Variants in LAMC3 observed in about 807,000 individuals in gnomAD.
LAMC3 encodes laminin subunit gamma-3.
LAMC3 carries 128 observed loss-of-function variants against 173.8 expected under a neutral mutation model. The observed-to-expected ratio is 0.74, with a 90% CI of 0.64 to 0.85. LAMC3 has a LOEUF of 0.85. LAMC3 is among the 40% of genes least tolerant of loss of function. The probability of loss-of-function intolerance (pLI) is 0.00; values close to 1 mark genes in which losing one functional copy is unlikely to be tolerated. For synonymous variants in LAMC3, 897 were observed against 909.1 expected, an observed-to-expected ratio of 0.99 and a Z score of 0.24; for missense variants, 2,022 against 2,156.0, an observed-to-expected ratio of 0.94 and a Z score of 1.23.
chr9:131,091,423 T>C, intron 27 of LAMC3, 114 bp from the exon 28 acceptor site: 1 of 1,375,098 alleles, frequency 7.3e-7, no homozygotes. Context: ...TGGTGGATGG[T>C]GGGCCATTGG....
chr9:131,062,556 C>T (rs772184303), intron 13 of LAMC3, among the ~76,000 whole-genome samples: 2 of 151,976 alleles, frequency 1.3e-5, no homozygotes, highest in African/African-American at 2.4e-5. Context: ...TCATCCCAGA[C>T]AGAAACCGTA....
intron 19 of LAMC3, among the ~76,000 whole-genome samples, 200 bp from the exon 20 acceptor site, chr9:131,073,045 C>T (rs1025930849): frequency 1.3e-5 from 2 of 152,290 alleles, no homozygotes; most frequent in African/African-American, 4.8e-5. Context: ...AGACTGAATG[C>T]GCAGTAAGTG....
intron 1 of LAMC3, among the ~76,000 whole-genome samples, chr9:131,018,295 C>T (rs532168536): frequency 6.6e-5 from 10 of 151,778 alleles, no homozygotes; most frequent in Middle Eastern, 3.4e-3. Context: ...CCACCATGCC[C>T]GGCTAATTTT....
In LAMC3 at chr9:131,026,796, G is replaced by A. The variant is rs1027689078; in HGVS notation, c.678+207G>A. On this transcript the variant is annotated intron_variant, in intron 2 of 27. Coordinates refer to ENST00000361069, the MANE Select transcript of LAMC3 (RefSeq NM_006059.4). This position sits in a 1 kb window ranked among gnomAD's most constrained non-coding sequence, Gnocchi z 4.8. ...GCGATTTCGGTTCACTGAAACCTCC[G>A]CCTCCTTGGTTCAAGCTATTCTGCC... Among the ~76,000 whole-genome samples the A allele has an allele frequency of 1.3e-5, 2 of 152,104 alleles. No individual in the cohort carries two copies. Among genetic ancestry groups the A allele is most frequent in the East Asian group, 1.9e-4 (1 of 5,184 alleles).
chr9:131,082,871 TCCCTCCCCAG>T (rs929139403), intron 24 of LAMC3, among the ~76,000 whole-genome samples: 1 of 152,098 alleles, frequency 6.6e-6, no homozygotes, highest in African/African-American at 2.4e-5. Context: ...TTCTGTGGCC[TCCCTCCCCAG>T]CCCTGCCCAC....
At chr9:131,054,805 T>G (rs575799398) in intron 11 of LAMC3, among the ~76,000 whole-genome samples, 85 of 101,866 alleles carry the variant, frequency 8.3e-4, no homozygotes, top group Middle Eastern at 4.9e-3. Flanking sequence ...AGAGAGAGAG[T>G]GAGAGAGAGA....
At chr9:131,069,957 C>CT (rs1478666681) in intron 17 of LAMC3, 107 bp downstream of exon 17, 116 of 1,171,926 alleles carry the variant, frequency 9.9e-5, no homozygotes, top group Non-Finnish European at 3.7e-6. Context: ...AGTGCTCAGG[C>CT]TTTGCAAGCC....
chr9:131,071,137 A>T (rs113219607), intron 17 of LAMC3, among the ~76,000 whole-genome samples: 1 of 152,222 alleles, frequency 6.6e-6, no homozygotes, highest in Admixed American at 6.5e-5. Flanking sequence ...GCCAGTGTCC[A>T]TAGTGTGCTT....
chr9:131,014,437 C>T (rs1833482549), intron 1 of LAMC3, among the ~76,000 whole-genome samples: 1 of 152,228 alleles, frequency 6.6e-6, no homozygotes, highest in African/African-American at 2.4e-5. Context: ...CTGGAAAACC[C>T]CTCACCCCTC....
At chr9:131,045,691 A>G in intron 8 of LAMC3, 31 bp downstream of exon 8, 1 of 1,612,918 alleles carries the variant, frequency 6.2e-7, no homozygotes, top group Admixed American at 1.7e-5. Flanking sequence ...ACGCCTCCCA[A>G]GGGTCTGCTC....
intron 6 of LAMC3, among the ~76,000 whole-genome samples, chr9:131,041,297 G>A (rs1437216972): frequency 6.7e-6 from 1 of 149,838 alleles, no homozygotes; most frequent in Admixed American, 6.7e-5. Flanking sequence ...AACCCAGGAG[G>A]CAGAGGTTGC....
intron 12 of LAMC3, among the ~76,000 whole-genome samples, chr9:131,060,450 C>A (rs10901337): frequency 1.3e-5 from 2 of 151,800 alleles, no homozygotes; most frequent in Admixed American, 6.6e-5. Context: ...TTGAGACCAG[C>A]CTGGCCAACA....
chr9:131,038,019 T>G (rs1217373307), intron 4 of LAMC3, among the ~76,000 whole-genome samples: 1 of 152,058 alleles, frequency 6.6e-6, no homozygotes, highest in Non-Finnish European at 1.5e-5. Flanking sequence ...GCCAGCCTCA[T>G]GGCACACCCG....
At position 131,026,677 on chromosome 9, in the gene LAMC3, G is replaced by C; in HGVS notation, c.678+88G>C. 3 of 1,443,912 alleles carry C rather than the reference G, an allele frequency of 2.1e-6. No homozygotes were observed. The highest frequency in any genetic ancestry group is 2.7e-6 in the Non-Finnish European group (3 of 1,103,172). The allele number at this position is 1,443,912 out of a possible 1,614,324, so 89.4% of individuals were successfully genotyped here. A position where few individuals can be genotyped will look rare whatever the true frequency, so the allele number is the denominator to read the frequency against. On this transcript the variant is annotated intron_variant, in intron 2 of 27. Transcript: ENST00000361069. This position sits in a 1 kb window ranked among gnomAD's most constrained non-coding sequence, Gnocchi z 4.8. ...GGGTCTGATGTGCCAGGACACACAGGGTGGGGGACCTGCAAAACCCCATGG... is the reference window on the plus strand; with the variant it reads ...GGGTCTGATGTGCCAGGACACACAGCGTGGGGGACCTGCAAAACCCCATGG...
chr9:131,044,402 T>C (rs1834110965), intron 7 of LAMC3, among the ~76,000 whole-genome samples: 1 of 151,962 alleles, frequency 6.6e-6, no homozygotes, highest in African/African-American at 2.4e-5. Flanking sequence ...CCCAGCTACT[T>C]GGGAGGCTGA....
At chr9:131,013,778 C>T (rs1833468029) in intron 1 of LAMC3, among the ~76,000 whole-genome samples, 1 of 152,158 alleles carries the variant, frequency 6.6e-6, no homozygotes, top group African/African-American at 2.4e-5. Context: ...ACCGAGAAGA[C>T]GCTGGGGTCT....
At position 131,048,793 on chromosome 9, in the gene LAMC3, C is replaced by G. The variant is rs557584185; in HGVS notation, c.1520-227C>G. 6.0e-4 allele frequency among the ~76,000 whole-genome samples: 91 copies of G among 152,222 alleles called. 1 individual carries two copies. The highest frequency in any genetic ancestry group is 2.1e-3 in the African/African-American group (87 of 41,526). ...GAGATGGCCCTGATGTCCCAGGGCC[C>G]CCATGTGGGGGTCTTCAGGCTGTCT... On this transcript the variant is annotated intron_variant, in intron 8 of 27. Coordinates refer to ENST00000361069, the MANE Select transcript of LAMC3 (RefSeq NM_006059.4).
intron 7 of LAMC3, among the ~76,000 whole-genome samples, chr9:131,043,218 G>A (rs1312781820): frequency 6.6e-6 from 1 of 152,202 alleles, no homozygotes; most frequent in Non-Finnish European, 1.5e-5. Flanking sequence ...CCAAGGCCAG[G>A]AAGTACATAA....
chr9:131,076,944 A>G (rs967626238), intron 21 of LAMC3, among the ~76,000 whole-genome samples: 1 of 152,266 alleles, frequency 6.6e-6, no homozygotes, highest in Non-Finnish European at 1.5e-5. Flanking sequence ...CCCTTTCAGC[A>G]AAGTGTGGCT....
Sources: allele counts gnomAD v4.1 joint callset (sites outside exome capture counted in the v4.1 genomes callset), GRCh38; gene constraint gnomAD v4.1.1; non-coding constraint Gnocchi (gnomAD v3.1); transcripts MANE v1.5; gene names NCBI Gene and HGNC (gene_info 2026-07-23, HGNC 2026-07-21).